Variants in BTBD9 observed in about 807,000 individuals in gnomAD.
The protein encoded by BTBD9 is BTB/POZ domain-containing protein 9.
In BTBD9, 49 loss-of-function variants were observed where a neutral mutation model predicts 64.3. The observed-to-expected ratio is 0.76, with a 90% CI of 0.61 to 0.97. The LOEUF (loss-of-function observed/expected upper bound fraction) is 0.97, where lower values mean the gene tolerates loss of function less well. Among genes scored for constraint, BTBD9 ranks in the 50% least tolerant of loss-of-function variants. The probability of loss-of-function intolerance (pLI) is 0.00; values close to 1 mark genes in which losing one functional copy is unlikely to be tolerated. For missense variants in BTBD9, 598 were observed against 762.1 expected, an observed-to-expected ratio of 0.78 and a Z score of 2.53; for synonymous variants, 260 against 274.7, an observed-to-expected ratio of 0.95 and a Z score of 0.53.
chr6:38,471,880 G>T (rs1770666194), intron 6 of BTBD9, among the ~76,000 whole-genome samples: 1 of 152,160 alleles, frequency 6.6e-6, no homozygotes, highest in South Asian at 2.1e-4. Context: ...AATATTTTTT[G>T]AAGGTAAAAA....
intron 6 of BTBD9, among the ~76,000 whole-genome samples, chr6:38,520,388 G>A (rs1773223888): frequency 6.6e-6 from 1 of 151,106 alleles, no homozygotes; most frequent in African/African-American, 2.4e-5. Context: ...TTGAACCCGA[G>A]AGGCAGAGGT....
intron 1 of BTBD9, among the ~76,000 whole-genome samples, chr6:38,634,568 C>CT (rs199898463): frequency 3.3e-5 from 5 of 150,624 alleles, no homozygotes; most frequent in East Asian, 2.0e-4. Flanking sequence ...TGGATTGTTC[C>CT]TTTTTTTTAA....
rs555153527 is a variant in BTBD9 at position 38,169,136 on chromosome 6, C to T, written c.*5849G>A. On this transcript the variant is annotated 3_prime_UTR_variant, in exon 11 of 11. Transcript: ENST00000481247. ...CTCCCTGAGGACCTTACTGGCAGCACCCTGCCCTGCTGACCCTGGAAGCAG... is the reference window on the plus strand; with the variant it reads ...CTCCCTGAGGACCTTACTGGCAGCATCCTGCCCTGCTGACCCTGGAAGCAG... 2 of 152,716 alleles carry T rather than the reference C, an allele frequency of 1.3e-5. No individual in the cohort carries two copies. Among genetic ancestry groups the T allele is most frequent in the African/African-American group, 4.8e-5 (2 of 41,568 alleles). The allele number at this position is 152,716 out of a possible 1,614,324, so 9.5% of individuals were successfully genotyped here.
At chr6:38,275,073 C>A (rs150668843) in intron 8 of BTBD9, among the ~76,000 whole-genome samples, 6,308 of 152,240 alleles carry the variant, frequency 0.041, 369 homozygotes, top group East Asian at 0.27. Context: ...AAGTCGGAGG[C>A]ATCACGCTAC....
chr6:38,617,990 C>A (rs2180105), intron 1 of BTBD9, among the ~76,000 whole-genome samples: 1 of 152,208 alleles, frequency 6.6e-6, no homozygotes, highest in Non-Finnish European at 1.5e-5. Context: ...TGACCTTCCT[C>A]GGTCCTCTTT....
intron 6 of BTBD9, among the ~76,000 whole-genome samples, chr6:38,554,980 A>AT (rs1774953867): frequency 6.6e-6 from 1 of 152,222 alleles, no homozygotes; most frequent in East Asian, 1.9e-4. Flanking sequence ...CATCAAAGCT[A>AT]TGGGTGATGC....
rs1554143528 is a variant in BTBD9, at chr6:38,374,283, G to GTATATATATATACACA, written c.1155-29191_1155-29190insTGTGTATATATATATA. On this transcript the variant is annotated intron_variant, in intron 6 of 10. Coordinates refer to ENST00000481247, the MANE Select transcript of BTBD9 (RefSeq NM_001099272.2). ...GGCCTTGTGTCGAAAAAAAAAAAAA[G>GTATATATATATACACA]TATATATATATATGTATATATATGT... 4.8e-4 allele frequency among the ~76,000 whole-genome samples: 22 copies of GTATATATATATACACA among 45,468 alleles called. 2 individuals carry two copies. Among genetic ancestry groups the GTATATATATATACACA allele is most frequent in the African/African-American group, 3.2e-3 (20 of 6,200 alleles). 29.8% of individuals were successfully genotyped at this position (45,468 alleles called of 152,430 possible). A position where few individuals can be genotyped will look rare whatever the true frequency, so the allele number is the denominator to read the frequency against.
intron 6 of BTBD9, among the ~76,000 whole-genome samples, chr6:38,426,383 G>A (rs916145897): frequency 2.0e-5 from 3 of 151,914 alleles, no homozygotes; most frequent in Non-Finnish European, 4.4e-5. Context: ...CCAGGCATTC[G>A]AGCGGGCAAC....
At chr6:38,415,293 T>C (rs1767616876) in intron 6 of BTBD9, among the ~76,000 whole-genome samples, 1 of 152,126 alleles carries the variant, frequency 6.6e-6, no homozygotes, top group South Asian at 2.1e-4. Context: ...CTGGATTATC[T>C]GGGTGGGAAC....
intron 6 of BTBD9, among the ~76,000 whole-genome samples, chr6:38,504,156 C>T (rs1462209985): frequency 6.6e-6 from 1 of 152,170 alleles, no homozygotes; most frequent in African/African-American, 2.4e-5. Context: ...AACTTCAGCC[C>T]TAGATGATCT....
chr6:38,347,861 G>A (rs1447765055), intron 6 of BTBD9, among the ~76,000 whole-genome samples: 1 of 152,162 alleles, frequency 6.6e-6, no homozygotes, highest in Non-Finnish European at 1.5e-5. Flanking sequence ...GCCAGGCTTG[G>A]TGGCACGTGC....
rs999535277 is a variant in BTBD9, at chr6:38,591,894, T to G, written c.814+682A>C. 7.9e-5 allele frequency among the ~76,000 whole-genome samples: 12 copies of G among 152,256 alleles called. 2 individuals carry two copies. The South Asian group carries it at 2.1e-3, about 26-fold the overall frequency. On this transcript the variant is annotated intron_variant, in intron 4 of 10. Transcript: ENST00000481247. ...GCTATTATTATTGTTATTTAGAATC[T>G]CCATGTTCAGCCGGGCGTGGTGGCT... is the stretch of plus-strand genomic sequence containing the variant.
chr6:38,247,322 T>TA (rs1764242873), intron 9 of BTBD9, among the ~76,000 whole-genome samples: 1 of 152,222 alleles, frequency 6.6e-6, no homozygotes, highest in African/African-American at 2.4e-5. Flanking sequence ...TATTTTCCTC[T>TA]TTCTACCATT....
At chr6:38,299,838 C>T (rs991309897) in intron 7 of BTBD9, among the ~76,000 whole-genome samples, 2 of 152,254 alleles carry the variant, frequency 1.3e-5, no homozygotes, top group African/African-American at 4.8e-5. Context: ...GTTTCTTTTG[C>T]TGTGCAGAAG....
At chr6:38,374,047 G>C (rs548888254) in intron 6 of BTBD9, among the ~76,000 whole-genome samples, 1 of 151,432 alleles carries the variant, frequency 6.6e-6, no homozygotes, top group South Asian at 2.1e-4. Flanking sequence ...AAGGCAGGCA[G>C]ATCACTTGAG....
At chr6:38,527,459 G>A (rs1168186589) in intron 6 of BTBD9, among the ~76,000 whole-genome samples, 2 of 151,980 alleles carry the variant, frequency 1.3e-5, no homozygotes, top group Non-Finnish European at 2.9e-5. Flanking sequence ...TATCCCCCAT[G>A]CTGTTCTCAT....
intron 6 of BTBD9, among the ~76,000 whole-genome samples, chr6:38,457,592 G>A (rs984059495): frequency 8.6e-5 from 13 of 151,994 alleles, no homozygotes; most frequent in African/African-American, 3.1e-4. Flanking sequence ...TTGGAGGAGT[G>A]AAAAATCAAG....
intron 6 of BTBD9, among the ~76,000 whole-genome samples, chr6:38,352,601 C>T (rs867826106): frequency 1.3e-5 from 2 of 152,138 alleles, no homozygotes; most frequent in Non-Finnish European, 2.9e-5. Context: ...ATGGGGTAAG[C>T]TCCTTAATTT....
At chr6:38,608,859 C>A (rs908781402) in intron 1 of BTBD9, among the ~76,000 whole-genome samples, 8 of 152,140 alleles carry the variant, frequency 5.3e-5, no homozygotes, top group Non-Finnish European at 1.0e-4. Context: ...CCCTATATAA[C>A]CTCTTCCTCA....
Sources: gnomAD v4.1 joint callset for allele counts (sites outside exome capture counted in the v4.1 genomes callset) on GRCh38, gnomAD v4.1.1 for gene constraint, MANE v1.5 for transcripts, NCBI Gene and HGNC (gene_info 2026-07-23, HGNC 2026-07-21) for gene names.